The following LINGO2 variants were observed in gnomAD, a reference collection of about 807,000 sequenced individuals.
LINGO2 encodes the protein leucine rich repeat and Ig domain containing 2, also known as leucine-rich repeat and immunoglobulin-like domain-containing nogo receptor-interacting protein 2.
A neutral mutation model predicts 30.6 loss-of-function variants in LINGO2; 14 were observed. The observed-to-expected ratio is 0.46, with a 90% CI of 0.30 to 0.72. The LOEUF (loss-of-function observed/expected upper bound fraction) is 0.72. LINGO2 is among the 30% of genes least tolerant of loss of function. The pLI is 0.07. For synonymous variants in LINGO2, 317 were observed against 288.5 expected, an observed-to-expected ratio of 1.10 and a Z score of -1.00; for missense variants, 729 against 751.7, an observed-to-expected ratio of 0.97 and a Z score of 0.35.
At position 28,207,805 on chromosome 9, in the gene LINGO2, T is replaced by C. The variant is rs145905484; in HGVS notation, c.-87+87403A>G. Among the ~76,000 whole-genome samples, 293 of 152,294 alleles carry C rather than the reference T, an allele frequency of 1.9e-3. 2 individuals carry two copies. The highest frequency in any genetic ancestry group is 6.8e-3 in the African/African-American group (282 of 41,578). Reference sequence around the variant, plus strand: ...TGCCATGCCTAAAAATAATTAGCTATGTTTAATTCCAAAAATAGACTTGCA... The same window carrying C: ...TGCCATGCCTAAAAATAATTAGCTACGTTTAATTCCAAAAATAGACTTGCA... On this transcript the variant is annotated intron_variant, in intron 4 of 5. Coordinates refer to ENST00000379992, the Ensembl canonical transcript of LINGO2.
At chr9:28,594,192 T>G (rs948220395) in intron 1 of LINGO2, among the ~76,000 whole-genome samples, 1 of 152,070 alleles carries the variant, frequency 6.6e-6, no homozygotes, top group Non-Finnish European at 1.5e-5. Flanking sequence ...GAGCACATAT[T>G]GAAAAGACAT....
the LINGO2 span, among the ~76,000 whole-genome samples, chr9:28,806,520 C>T: frequency 3.3e-5 from 5 of 152,106 alleles, no homozygotes; most frequent in Non-Finnish European, 7.4e-5. Flanking sequence ...GAATGCAATT[C>T]GTTATTGACT....
intron 1 of LINGO2, among the ~76,000 whole-genome samples, chr9:28,498,870 A>G (rs1819771499): frequency 1.3e-5 from 2 of 152,258 alleles, no homozygotes; most frequent in Admixed American, 6.5e-5. Flanking sequence ...CCATAAAAAT[A>G]TAAGACTATA....
chr9:28,202,451 T>G (rs1054243816), intron 4 of LINGO2, among the ~76,000 whole-genome samples: 1 of 152,254 alleles, frequency 6.6e-6, no homozygotes, highest in South Asian at 2.1e-4. Flanking sequence ...TGAATGTGCC[T>G]GATGTCTTCT....
At chr9:28,193,032 T>C (rs10968372) in intron 4 of LINGO2, among the ~76,000 whole-genome samples, 12,422 of 152,178 alleles carry the variant, frequency 0.082, 678 homozygotes, top group East Asian at 0.2. Flanking sequence ...TAGCTCACAT[T>C]TGATGGTTAC....
At chr9:28,368,770 G>A (rs1261949037) in intron 3 of LINGO2, among the ~76,000 whole-genome samples, 1 of 148,862 alleles carries the variant, frequency 6.7e-6, no homozygotes, top group African/African-American at 2.5e-5. Context: ...CTAATTTTTT[G>A]TATTTTTAGT....
chr9:28,697,524 T>C, the LINGO2 span, among the ~76,000 whole-genome samples: 1 of 151,962 alleles, frequency 6.6e-6, no homozygotes, highest in Non-Finnish European at 1.5e-5. Context: ...TGGTACCACC[T>C]CCTTCTAAAC....
intron 1 of LINGO2, among the ~76,000 whole-genome samples, chr9:28,479,504 ATT>A (rs1163432147): frequency 2.0e-5 from 3 of 151,956 alleles, no homozygotes; most frequent in Non-Finnish European, 4.4e-5. Flanking sequence ...GCAAAAGATC[ATT>A]TTGTTGCTAA....
At chr9:29,073,807 G>A in the LINGO2 span, among the ~76,000 whole-genome samples, 6 of 152,142 alleles carry the variant, frequency 3.9e-5, no homozygotes, top group Admixed American at 3.9e-4. Flanking sequence ...CAATTAGTCT[G>A]AGTTACTGGC....
the LINGO2 span, among the ~76,000 whole-genome samples, chr9:28,871,142 T>C: frequency 6.6e-6 from 1 of 151,706 alleles, no homozygotes; most frequent in Non-Finnish European, 1.5e-5. Context: ...AATAAGGAAA[T>C]TGTTAAATAA....
Position 28,468,682 on chromosome 9 carries a change from C to T in LINGO2, c.-279+7258G>A, listed in dbSNP as rs568294604. Among the ~76,000 whole-genome samples the T allele has an allele frequency of 1.3e-4, 20 of 152,218 alleles. No homozygotes were observed. The East Asian group carries it at 3.5e-3, about 26-fold the overall frequency. ...ACTGACTAATACAGGTTTTTAGGAG[C>T]TCTGGAAAGCAATCACAGTTCTACA... On this transcript the variant is annotated intron_variant, in intron 2 of 5. Transcript: ENST00000379992.
intron 3 of LINGO2, among the ~76,000 whole-genome samples, chr9:28,353,945 T>C (rs540570051): frequency 2.0e-4 from 31 of 152,250 alleles, no homozygotes; most frequent in Middle Eastern, 3.4e-3. Flanking sequence ...TAGGTGGGAA[T>C]TGAACAGTGA....
chr9:28,729,883 G>A, the LINGO2 span, among the ~76,000 whole-genome samples: 1 of 151,666 alleles, frequency 6.6e-6, no homozygotes, highest in South Asian at 2.1e-4. Flanking sequence ...TCTCACAAAA[G>A]TATACTTTTG....
the LINGO2 span, among the ~76,000 whole-genome samples, chr9:28,752,949 T>C: frequency 6.6e-6 from 1 of 152,076 alleles, no homozygotes; most frequent in East Asian, 1.9e-4. Flanking sequence ...AAGGTAACTG[T>C]GTCTGGCATA....
the LINGO2 span, among the ~76,000 whole-genome samples, chr9:29,202,736 G>A: frequency 1.3e-5 from 2 of 151,860 alleles, no homozygotes; most frequent in Non-Finnish European, 1.5e-5. Flanking sequence ...TGGAACCTTC[G>A]TTTTTGGGTC....
rs191850946 is a variant in LINGO2, at chr9:28,587,170, A to G, written c.-365+83030T>C. ...AGGGGAAAAAACACTGACCTTGACT[A>G]TGTTGGTGGGGATCAGCTGTTACTT... On this transcript the variant is annotated intron_variant, in intron 1 of 5. Transcript: ENST00000379992. Among the ~76,000 whole-genome samples the G allele has an allele frequency of 1.2e-4, 18 of 152,050 alleles. 1 individual carries two copies. The East Asian group carries it at 1.9e-3, about 16-fold the overall frequency.
At chr9:28,296,480 A>C (rs1267634221) in intron 3 of LINGO2, among the ~76,000 whole-genome samples, 2 of 152,216 alleles carry the variant, frequency 1.3e-5, no homozygotes, top group Non-Finnish European at 2.9e-5. Context: ...ACACAGGTGC[A>C]AAAACTGATT....
intron 4 of LINGO2, among the ~76,000 whole-genome samples, chr9:28,152,273 A>G (rs1239843188): frequency 6.6e-6 from 1 of 152,004 alleles, no homozygotes; most frequent in Non-Finnish European, 1.5e-5. Context: ...TAAGAAAGCT[A>G]GTTGTTAAAA....
intron 4 of LINGO2, among the ~76,000 whole-genome samples, chr9:28,168,365 G>T (rs926483095): frequency 1.1e-4 from 16 of 152,174 alleles, no homozygotes; most frequent in Non-Finnish European, 2.4e-4. Flanking sequence ...ATCTGGGGTA[G>T]TGTGAAAATA....
Sources: allele counts gnomAD v4.1 joint callset (sites outside exome capture counted in the v4.1 genomes callset), GRCh38; gene constraint gnomAD v4.1.1; transcripts MANE v1.5; gene names NCBI Gene and HGNC (gene_info 2026-07-23, HGNC 2026-07-21).